SLC2A12: variants seen among roughly 807,000 people sequenced by gnomAD.
SLC2A12 encodes the protein solute carrier family 2 member 12.
Under a neutral mutation model 41.8 loss-of-function variants are expected in SLC2A12, and 23 were observed. The ratio of observed to expected loss-of-function variants is 0.55; its 90% CI spans 0.40 to 0.78. The LOEUF is 0.78. SLC2A12 is among the 30% of genes least tolerant of loss of function. The pLI is 0.00. For synonymous variants in SLC2A12, 295 were observed against 285.9 expected (o/e 1.03, Z -0.32); for missense variants, 654 against 745.6 (o/e 0.88, Z 1.43).
chr6:134,027,706 A>G (rs1177979198), intron 2 of SLC2A12, among the ~76,000 whole-genome samples: 1 of 152,200 alleles, frequency 6.6e-6, no homozygotes, highest in Non-Finnish European at 1.5e-5. Flanking sequence ...CATCTCTAAA[A>G]GAGTTTGCCC....
chr6:134,006,726 G>GA (rs1562192786), intron 3 of SLC2A12, 86 bp downstream of exon 3: 9 of 1,528,938 alleles, frequency 5.9e-6, no homozygotes, highest in Non-Finnish European at 8.0e-6. Context: ...AAATTTCCAC[G>GA]AAAAAATGGT....
chr6:134,050,612 A>G (rs1374647126), intron 1 of SLC2A12, among the ~76,000 whole-genome samples: 3 of 152,194 alleles, frequency 2.0e-5, no homozygotes, highest in Non-Finnish European at 4.4e-5. Flanking sequence ...TCCATTTTTA[A>G]TGGTTACTAC....
In SLC2A12 at chr6:134,048,024, G is replaced by A. The variant is rs989779700; in HGVS notation, c.103+4354C>T. 7.9e-5 allele frequency among the ~76,000 whole-genome samples: 12 copies of A among 152,294 alleles called. No homozygotes were observed. The South Asian group carries it at 8.3e-4, about 11-fold the overall frequency. ...CTTAGAGAGGAGCAAGACCACTGCC[G>A]CGTACGATGCATAGCACCCAGAGTT... On this transcript the variant is annotated intron_variant, in intron 1 of 4. Coordinates refer to ENST00000275230, the MANE Select transcript of SLC2A12 (RefSeq NM_145176.3).
chr6:134,019,980 G>A (rs984870879), intron 2 of SLC2A12, among the ~76,000 whole-genome samples: 2 of 148,814 alleles, frequency 1.3e-5, no homozygotes, highest in Admixed American at 6.8e-5. Context: ...AGCCGAGATC[G>A]AGCCACTGCA....
chr6:134,003,527 C>T (rs756488073), intron 3 of SLC2A12, among the ~76,000 whole-genome samples: 3 of 152,156 alleles, frequency 2.0e-5, no homozygotes, highest in Non-Finnish European at 4.4e-5. Flanking sequence ...CCTAAATCTG[C>T]CTTTCAGAGG....
intron 2 of SLC2A12, 97 bp from the exon 3 acceptor site, chr6:134,007,031 G>T: frequency 6.5e-7 from 1 of 1,527,546 alleles, no homozygotes; most frequent in Non-Finnish European, 8.8e-7. Flanking sequence ...CCCTCATCCT[G>T]CCGGGATTTG....
intron 2 of SLC2A12, among the ~76,000 whole-genome samples, chr6:134,013,651 T>G (rs1776918560): frequency 6.6e-6 from 1 of 150,784 alleles, no homozygotes; most frequent in Non-Finnish European, 1.5e-5. Flanking sequence ...AAAATTTTGT[T>G]AATAGCAATG....
At chr6:134,002,587 C>T (rs1471224533) in intron 3 of SLC2A12, among the ~76,000 whole-genome samples, 2 of 152,128 alleles carry the variant, frequency 1.3e-5, no homozygotes, top group African/African-American at 4.8e-5. Flanking sequence ...CCCCCTCTTG[C>T]TATCATTCCC....
intron 4 of SLC2A12, among the ~76,000 whole-genome samples, chr6:133,996,186 T>A (rs12110458): frequency 0.04 from 6,106 of 152,300 alleles, 417 homozygotes; most frequent in African/African-American, 0.14. Flanking sequence ...GATGGATGAA[T>A]GAAGAAATGA....
chr6:134,030,476 A>G (rs1777188364), intron 1 of SLC2A12, among the ~76,000 whole-genome samples: 1 of 152,190 alleles, frequency 6.6e-6, no homozygotes, highest in Admixed American at 6.5e-5. Context: ...TTACCTTTAT[A>G]TTGTTCTTTC....
At chr6:134,030,132 C>T (rs1051982280) in intron 1 of SLC2A12, among the ~76,000 whole-genome samples, 1 of 152,144 alleles carries the variant, frequency 6.6e-6, no homozygotes, top group Non-Finnish European at 1.5e-5. Flanking sequence ...AAAGGCAAAT[C>T]TTTGAGGGCA....
intron 1 of SLC2A12, among the ~76,000 whole-genome samples, chr6:134,045,596 G>A (rs554389092): frequency 6.6e-4 from 100 of 152,330 alleles, no homozygotes; most frequent in African/African-American, 2.4e-3. Context: ...GAATGAGACA[G>A]AAGAGACCCT....
At position 133,991,146 on chromosome 6, in the gene SLC2A12, T is replaced by A. The variant is rs557776416; in HGVS notation, c.*9A>T. ...TGGCACTATCCACGTTCAGAAGGTG[T>A]TGAGGCCATTAGGTCTCTGGAGAAA... On this transcript the variant is annotated 3_prime_UTR_variant, in exon 5 of 5. Coordinates refer to ENST00000275230, the MANE Select transcript of SLC2A12 (RefSeq NM_145176.3). The A allele has an allele frequency of 7.5e-5, 120 of 1,609,586 alleles. No individual in the cohort carries two copies. Among genetic ancestry groups the A allele is most frequent in the Non-Finnish European group, 1.0e-4 (118 of 1,178,782 alleles).
At position 134,044,244 on chromosome 6, in the gene SLC2A12, T is replaced by A. The variant is rs540893902; in HGVS notation, c.103+8134A>T. Among the ~76,000 whole-genome samples the A allele has an allele frequency of 1.1e-4, 16 of 152,302 alleles. No individual in the cohort carries two copies. In the South Asian group the frequency reaches 3.1e-3, roughly 30 times the overall value. On this transcript the variant is annotated intron_variant, in intron 1 of 4. Transcript: ENST00000275230. ...CCATCAAAGGATTCCTGATCCCTCA[T>A]CGCTCTCCACTAATTGGCAGTAAGC...
At chr6:134,011,673 A>T (rs893794057) in intron 2 of SLC2A12, among the ~76,000 whole-genome samples, 2 of 152,156 alleles carry the variant, frequency 1.3e-5, no homozygotes. Context: ...TCGAGGCTGC[A>T]GTGAGCCATG....
In SLC2A12 at chr6:134,041,491, A is replaced by G. The variant is rs77304642; in HGVS notation, c.103+10887T>C. ...AAGAAAGTTGTGTCAAACAAAAAAA[A>G]AGAGAGAGAGAGAGAAAGAAAGGGA... is the stretch of plus-strand genomic sequence containing the variant. On this transcript the variant is annotated intron_variant, in intron 1 of 4. Coordinates refer to ENST00000275230, the MANE Select transcript of SLC2A12 (RefSeq NM_145176.3). 5.6e-3 allele frequency among the ~76,000 whole-genome samples: 850 copies of G among 152,006 alleles called. 14 individuals are homozygous for G. Among genetic ancestry groups the G allele is most frequent in the African/African-American group, 0.019 (795 of 41,462 alleles).
intron 1 of SLC2A12, among the ~76,000 whole-genome samples, chr6:134,040,058 G>GTTTTTTTTTTTTTTTTTTTTTTTTTTTTT (rs11371413): frequency 7.2e-6 from 1 of 139,332 alleles, no homozygotes; most frequent in African/African-American, 2.7e-5. Flanking sequence ...GTTGTTTTTT[G>GTTTTTTTTTTTTTTTTTTTTTTTTTTTTT]TTTTTTTTTT....
At chr6:134,032,811 A>G (rs1417237952) in intron 1 of SLC2A12, among the ~76,000 whole-genome samples, 2 of 122,080 alleles carry the variant, frequency 1.6e-5, no homozygotes, top group Non-Finnish European at 3.6e-5. Flanking sequence ...TATAATTTAT[A>G]TCTATATATA....
rs1465642659 is a variant in SLC2A12, at chr6:134,028,321, C to A, written c.1444+60G>T. On this transcript the variant is annotated intron_variant, in intron 2 of 4. Coordinates refer to ENST00000275230, the MANE Select transcript of SLC2A12 (RefSeq NM_145176.3). ...TTCTAGCACTTATGTTCATGAGGTA[C>A]TATAGCAGTAGGATGCTCTGACTGG... The A allele has an allele frequency of 4.6e-6, 7 of 1,527,768 alleles. No homozygotes were observed. In the Admixed American group the frequency reaches 1.4e-4, roughly 32 times the overall value. The allele number at this position is 1,527,768 out of a possible 1,614,324, so 94.6% of individuals were successfully genotyped here.
Sources: allele counts gnomAD v4.1 joint callset (sites outside exome capture counted in the v4.1 genomes callset), GRCh38; gene constraint gnomAD v4.1.1; transcripts MANE v1.5; gene names NCBI Gene and HGNC (gene_info 2026-07-23, HGNC 2026-07-21).